Variants in WDR26 observed in about 807,000 individuals in gnomAD.
The protein encoded by WDR26 is WD repeat-containing protein 26.
A neutral mutation model predicts 84.1 loss-of-function variants in WDR26; 5 were observed. That is an observed-to-expected ratio of 0.06 (90% CI 0.03 to 0.13). The LOEUF (loss-of-function observed/expected upper bound fraction) is 0.13. WDR26 is among the 10% of genes least tolerant of loss of function. The pLI is 1.00. For synonymous variants in WDR26, 415 were observed against 389.6 expected (o/e 1.07, Z -0.77); for missense variants, 642 against 974.9 (o/e 0.66, Z 4.55).
At chr1:224,395,962 AT>A (rs1374462253) in intron 12 of WDR26, among the ~76,000 whole-genome samples, 33 of 152,338 alleles carry the variant, frequency 2.2e-4, no homozygotes, top group Middle Eastern at 3.4e-3. Flanking sequence ...ACGGTTTTTA[AT>A]TGCTCTATTT....
chr1:224,417,539 CA>C (rs1457288657), intron 6 of WDR26, among the ~76,000 whole-genome samples: 1 of 152,120 alleles, frequency 6.6e-6, no homozygotes, highest in Non-Finnish European at 1.5e-5. Flanking sequence ...CCCATCTCTA[CA>C]AAAAAACTTA....
rs564515684 is a variant in WDR26 at position 224,420,942 on chromosome 1, T to C, written c.1065-1327A>G. ...TATTTTGTTTCTAAAACAACTTTTTTTGGGCAAAGTTTATTATCAATAATT... is the reference window on the plus strand; with the variant it reads ...TATTTTGTTTCTAAAACAACTTTTTCTGGGCAAAGTTTATTATCAATAATT... On this transcript the variant is annotated intron_variant, in intron 4 of 13. Transcript: ENST00000414423. Among the ~76,000 whole-genome samples, 6 of 152,338 alleles carry C rather than the reference T, an allele frequency of 3.9e-5. No individual in the cohort carries two copies. In the South Asian group the frequency reaches 1.2e-3, roughly 32 times the overall value.
At chr1:224,431,362 T>C (rs1674389130) in intron 3 of WDR26, 115 bp downstream of exon 3, 3 of 824,200 alleles carry the variant, frequency 3.6e-6, no homozygotes, top group Non-Finnish European at 3.9e-6. Context: ...TTACAAATTA[T>C]ATGAAATTTA....
At chr1:224,426,145 A>G (rs764877971) in intron 3 of WDR26, among the ~76,000 whole-genome samples, 1 of 152,170 alleles carries the variant, frequency 6.6e-6, no homozygotes, top group Non-Finnish European at 1.5e-5. Context: ...GGCATGAGAC[A>G]CCGCACCCGG....
rs1468653101 is a variant in WDR26, at chr1:224,434,733, C to T, written c.-328G>A. 1 of 985,842 alleles carries T rather than the reference C, an allele frequency of 1.0e-6. No individual in the cohort carries two copies. The highest frequency in any genetic ancestry group is 4.5e-5 in the South Asian group (1 of 22,122). The allele number at this position is 985,842 out of a possible 1,614,324, so 61.1% of individuals were successfully genotyped here. A position where few individuals can be genotyped will look rare whatever the true frequency, so the allele number is the denominator to read the frequency against. ...GCGGCAGCGGAGGCAGCTGCCGCCTCTGTCCTCGGATCCGCTCCGCTCTGC... is the reference window on the plus strand; with the variant it reads ...GCGGCAGCGGAGGCAGCTGCCGCCTTTGTCCTCGGATCCGCTCCGCTCTGC... On this transcript the variant is annotated 5_prime_UTR_variant, in exon 1 of 14. Coordinates refer to ENST00000414423, the MANE Select transcript of WDR26 (RefSeq NM_001379403.1).
chr1:224,409,071 T>C lies in WDR26; in HGVS notation c.1458+2356A>G, dbSNP rs561452494. On this transcript the variant is annotated intron_variant, in intron 7 of 13. Transcript: ENST00000414423. ...TTACACAGGGTAGTATATTAGGTAG[T>C]GGTGGGTAGTATACTAGCTAGTATA... Among the ~76,000 whole-genome samples the C allele has an allele frequency of 2.6e-5, 4 of 152,166 alleles. No homozygotes were observed. In the South Asian group the frequency reaches 8.3e-4, roughly 32 times the overall value.
chr1:224,421,771 A>G (rs1674071722), intron 4 of WDR26, among the ~76,000 whole-genome samples: 1 of 152,164 alleles, frequency 6.6e-6, no homozygotes, highest in African/African-American at 2.4e-5. Flanking sequence ...CTCAAACAAC[A>G]AGAAAAAAAC....
chr1:224,434,379 CAG>C lies in WDR26; in HGVS notation c.25_26del (p.Leu9GlyfsTer82). 1 of 1,179,942 alleles carries C rather than the reference CAG, an allele frequency of 8.5e-7. No individual in the cohort carries two copies. The highest frequency in any genetic ancestry group is 1.0e-6 in the Non-Finnish European group (1 of 956,664). 73.1% of individuals were successfully genotyped at this position (1,179,942 alleles called of 1,614,324 possible). ...AGTCGGAGGAGGAGGAAGCGGAGGC[CAG>C]AGTTTCCTCGCCGAGAGAGGCCGTG... On this transcript the variant is annotated frameshift_variant, in exon 1 of 14. Coordinates refer to ENST00000414423, the MANE Select transcript of WDR26 (RefSeq NM_001379403.1). LOFTEE classifies it high-confidence loss of function.
intron 7 of WDR26, among the ~76,000 whole-genome samples, chr1:224,410,339 T>G (rs1440305532): frequency 6.6e-6 from 1 of 150,574 alleles, no homozygotes; most frequent in Non-Finnish European, 1.5e-5. Flanking sequence ...TTATTTTAGG[T>G]GAATGACTCC....
rs902208091 is a variant in WDR26, at chr1:224,434,213, A to T, written c.193T>A (p.Ser65Thr). 2.4e-5 allele frequency: 33 copies of T among 1,395,546 alleles called. No homozygotes were observed. In the East Asian group the frequency reaches 5.0e-4, roughly 21 times the overall value. The allele number at this position is 1,395,546 out of a possible 1,614,324, so 86.4% of individuals were successfully genotyped here. ...CCCACCACTACCACCACGGAGGAGG[A>T]GGAGGAGGAGGAGGACGAGGACGAC... Residue 65 changes from serine to threonine, a missense_variant, in exon 1 of 14, where the codon TCC (serine) becomes ACC (threonine). Physicochemically the swap from Ser to Thr is moderately conservative, Grantham distance 58. Coordinates refer to ENST00000414423, the MANE Select transcript of WDR26 (RefSeq NM_001379403.1).
rs1674523043 is a variant in WDR26 at position 224,434,163 on chromosome 1, G to C, written c.243C>G (p.Pro81=). The stretch of plus-strand genomic sequence containing the variant: ...TTCGGTGGGGGACAGCAGCGGCGGC[G>C]GGAGGGGCAGCAGCCGGGGGAAGTC... Residue 81 remains proline (P), a synonymous_variant, in exon 1 of 14, where the codon CCC becomes CCG. Transcript: ENST00000414423. 7.0e-7 allele frequency: 1 copy of C among 1,422,914 alleles called. No homozygotes were observed. The highest frequency in any genetic ancestry group is 9.1e-7 in the Non-Finnish European group (1 of 1,093,194). 88.1% of individuals were successfully genotyped at this position (1,422,914 alleles called of 1,614,324 possible).
In WDR26 at chr1:224,386,310, T is replaced by C. The variant is rs1286697313; in HGVS notation, c.*3525A>G. On this transcript the variant is annotated 3_prime_UTR_variant, in exon 14 of 14. Transcript: ENST00000414423. Reference sequence around the variant, plus strand: ...ATTAAAGTAAAACCAAATCAAAATATTTATACATTTTAGAGATGGGACAAA... The same window carrying C: ...ATTAAAGTAAAACCAAATCAAAATACTTATACATTTTAGAGATGGGACAAA... 7.2e-5 allele frequency: 11 copies of C among 152,588 alleles called. No individual in the cohort carries two copies. The allele number at this position is 152,588 out of a possible 1,614,324, so 9.5% of individuals were successfully genotyped here.
At chr1:224,418,153 A>T (rs1673960438) in intron 6 of WDR26, 107 bp downstream of exon 6, 2 of 882,264 alleles carry the variant, frequency 2.3e-6, no homozygotes, top group Non-Finnish European at 3.2e-6. Flanking sequence ...ACAAATGCTA[A>T]ATCAGACATG....
In WDR26 at chr1:224,387,336, T is replaced by C. The variant is rs1016610173; in HGVS notation, c.*2499A>G. 2.0e-5 allele frequency: 3 copies of C among 152,568 alleles called. No homozygotes were observed. Among genetic ancestry groups the C allele is most frequent in the African/African-American group, 7.2e-5 (3 of 41,414 alleles). The allele number at this position is 152,568 out of a possible 1,614,324, so 9.5% of individuals were successfully genotyped here. On this transcript the variant is annotated 3_prime_UTR_variant, in exon 14 of 14. Transcript: ENST00000414423. ...GGCTTCTTTACCATTGATTTCACCTTTCGAGCACAGTCACTGCATGGCAAA... is the reference window on the plus strand; with the variant it reads ...GGCTTCTTTACCATTGATTTCACCTCTCGAGCACAGTCACTGCATGGCAAA...
chr1:224,407,511 ATT>A (rs1198678359), intron 7 of WDR26, among the ~76,000 whole-genome samples: 3 of 141,640 alleles, frequency 2.1e-5, no homozygotes, highest in Non-Finnish European at 3.1e-5. Flanking sequence ...ACATATATAA[ATT>A]TTTTTTTTTT....
rs1331410813 is a variant in WDR26, at chr1:224,427,104, C to CA, written c.928-2451dup. ...GGCAACGAGAGCAAAACTCTGTCTC[C>CA]AAAAAAAAAAAAAAAAAAAAAAAGT... On this transcript the variant is annotated intron_variant, in intron 3 of 13. Transcript: ENST00000414423. 2.9e-4 allele frequency among the ~76,000 whole-genome samples: 36 copies of CA among 125,672 alleles called. 1 individual carries two copies. Among genetic ancestry groups the CA allele is most frequent in the African/African-American group, 8.8e-4 (27 of 30,842 alleles). The allele number at this position is 125,672 out of a possible 152,430, so 82.4% of individuals were successfully genotyped here. A position where few individuals can be genotyped will look rare whatever the true frequency, so the allele number is the denominator to read the frequency against.
chr1:224,421,602 A>C (rs1392205883), intron 4 of WDR26, among the ~76,000 whole-genome samples: 1 of 152,118 alleles, frequency 6.6e-6, no homozygotes, highest in Admixed American at 6.5e-5. Flanking sequence ...AAAAAAAGGT[A>C]ATCGGAACAA....
chr1:224,426,853 T>C (rs944205973), intron 3 of WDR26, among the ~76,000 whole-genome samples: 1 of 151,574 alleles, frequency 6.6e-6, no homozygotes, highest in African/African-American at 2.4e-5. Flanking sequence ...TCCCAGCACT[T>C]TGGGAGGCTG....
At chr1:224,403,932 G>T (rs1243507143) in intron 8 of WDR26, among the ~76,000 whole-genome samples, 1 of 152,116 alleles carries the variant, frequency 6.6e-6, no homozygotes, top group Non-Finnish European at 1.5e-5. Flanking sequence ...GCGAGACTCT[G>T]TCTCAAAAAC....
Sources: gnomAD v4.1 joint callset for allele counts (sites outside exome capture counted in the v4.1 genomes callset) on GRCh38, gnomAD v4.1.1 for gene constraint, MANE v1.5 for transcripts, NCBI Gene and HGNC (gene_info 2026-07-23, HGNC 2026-07-21) for gene names.